Variants in ADAMTS17 observed in about 807,000 individuals in gnomAD.
ADAMTS17 encodes A disintegrin and metalloproteinase with thrombospondin motifs 17.
ADAMTS17 carries 113 observed loss-of-function variants against 141.5 expected under a neutral mutation model. The observed-to-expected ratio is 0.80, with a 90% CI of 0.69 to 0.93. ADAMTS17 has a LOEUF of 0.93. Ranked by LOEUF, ADAMTS17 falls within the 40% of genes least tolerant of loss-of-function variation. The probability of loss-of-function intolerance (pLI) is 0.00; values close to 1 mark genes in which losing one functional copy is unlikely to be tolerated. For missense variants in ADAMTS17, 1,659 were observed against 1,517.9 expected, an observed-to-expected ratio of 1.09 and a Z score of -1.54; for synonymous variants, 768 against 630.6, an observed-to-expected ratio of 1.22 and a Z score of -3.27.
chr15:100,279,062 G>A lies in ADAMTS17; in HGVS notation c.789+2167C>T, dbSNP rs895341746. On this transcript the variant is annotated intron_variant, in intron 4 of 21. Coordinates refer to ENST00000268070, the MANE Select transcript of ADAMTS17 (RefSeq NM_139057.4). ...CAACTACCAGAGCCGAGATCCCAGTGGGAACGGTGCATTGGGGGTTCATCC... is the reference window on the plus strand; with the variant it reads ...CAACTACCAGAGCCGAGATCCCAGTAGGAACGGTGCATTGGGGGTTCATCC... Among the ~76,000 whole-genome samples, 8 of 152,220 alleles carry A rather than the reference G, an allele frequency of 5.3e-5. No individual in the cohort carries two copies. In the South Asian group the frequency reaches 1.0e-3, roughly 20 times the overall value.
At chr15:100,192,332 T>C (rs2040950412) in intron 8 of ADAMTS17, among the ~76,000 whole-genome samples, 1 of 152,218 alleles carries the variant, frequency 6.6e-6, no homozygotes, top group Admixed American at 6.5e-5. Context: ...GGCAGGAACC[T>C]GCTGGGAAAC....
intron 7 of ADAMTS17, among the ~76,000 whole-genome samples, chr15:100,244,741 G>A (rs115896709): frequency 2.8e-3 from 429 of 152,072 alleles, no homozygotes; most frequent in Non-Finnish European, 3.9e-3. Flanking sequence ...TGTTCCAACC[G>A]GAGCAGGACC....
At chr15:100,156,098 T>G (rs542370430) in intron 8 of ADAMTS17, among the ~76,000 whole-genome samples, 21 of 152,286 alleles carry the variant, frequency 1.4e-4, no homozygotes, top group African/African-American at 4.1e-4. Context: ...TTTCATTCAT[T>G]CAAAAATATT....
chr15:99,974,582 A>G lies in ADAMTS17; in HGVS notation c.3128-20T>C. ...GAGCAGCTAAGGGGATAGGAGAGAG[A>G]ATACCCAGGGTCAGGGATGGCCTAG... On this transcript the variant is annotated intron_variant, in intron 21 of 21. Transcript: ENST00000268070. 2 of 1,614,096 alleles carry G rather than the reference A, an allele frequency of 1.2e-6. No homozygotes were observed. Among genetic ancestry groups the G allele is most frequent in the South Asian group, 2.2e-5 (2 of 91,076 alleles).
At chr15:100,081,297 A>G (rs2141817944) in intron 15 of ADAMTS17, among the ~76,000 whole-genome samples, 1 of 152,290 alleles carries the variant, frequency 6.6e-6, no homozygotes. Context: ...CAGCTTGCGG[A>G]CAGCCTATTG....
chr15:100,246,567 C>T (rs2141924892), intron 7 of ADAMTS17, among the ~76,000 whole-genome samples: 1 of 152,310 alleles, frequency 6.6e-6, no homozygotes, highest in South Asian at 2.1e-4. Flanking sequence ...TTGTAACCTT[C>T]TCAGAGTAGA....
chr15:100,213,437 T>C (rs1567365455), intron 7 of ADAMTS17, among the ~76,000 whole-genome samples: 1 of 152,108 alleles, frequency 6.6e-6, no homozygotes, highest in Non-Finnish European at 1.5e-5. Flanking sequence ...TCTGTCAGGG[T>C]CTAAGACCAA....
chr15:100,159,235 G>A (rs1337414188), intron 8 of ADAMTS17, among the ~76,000 whole-genome samples: 5 of 152,168 alleles, frequency 3.3e-5, no homozygotes, highest in African/African-American at 1.2e-4. Context: ...GCCACTGATA[G>A]ATGGATCAAT....
Position 100,155,268 on chromosome 15 carries a change from T to C in ADAMTS17, c.1234A>G (p.Ile412Val), listed in dbSNP as rs1312625228. ...DHSSCAGRSH[I>V]MSGEWVKGRN... Reference sequence around the variant, plus strand: ...CCTTTCACCCACTCTCCTGACATGATGTGGGACCTGCCAGCGCAAGATGAG... The same window carrying C: ...CCTTTCACCCACTCTCCTGACATGACGTGGGACCTGCCAGCGCAAGATGAG... Residue 412 changes from isoleucine to valine, a missense_variant, in exon 9 of 22, where the codon ATC becomes GTC. By Grantham distance (29) the Ile-to-Val change is conservative (BLOSUM62 3). Transcript: ENST00000268070. 3 of 1,614,202 alleles carry C rather than the reference T, an allele frequency of 1.9e-6. No homozygotes were observed. The highest frequency in any genetic ancestry group is 2.2e-5 in the East Asian group (1 of 44,892).
At chr15:100,155,124 G>A in intron 9 of ADAMTS17, 56 bp downstream of exon 9, 4 of 1,612,420 alleles carry the variant, frequency 2.5e-6, no homozygotes, top group South Asian at 2.2e-5. Context: ...CAATACTTTT[G>A]TCTTTTGGAA....
intron 15 of ADAMTS17, among the ~76,000 whole-genome samples, chr15:100,054,509 A>G (rs2032404091): frequency 6.6e-6 from 1 of 152,114 alleles, no homozygotes; most frequent in Non-Finnish European, 1.5e-5. Context: ...TCCCTTTCCT[A>G]TTACCTACCT....
At chr15:100,075,216 T>C (rs73474485) in intron 15 of ADAMTS17, among the ~76,000 whole-genome samples, 5,924 of 152,268 alleles carry the variant, frequency 0.039, 409 homozygotes, top group African/African-American at 0.14. Context: ...TGTATTAGTT[T>C]GTCATATTTA....
intron 7 of ADAMTS17, among the ~76,000 whole-genome samples, chr15:100,232,225 G>A (rs1182502903): frequency 6.6e-6 from 1 of 152,172 alleles, no homozygotes; most frequent in East Asian, 1.9e-4. Flanking sequence ...CCAGAACTAG[G>A]CTAACCCTGG....
intron 18 of ADAMTS17, among the ~76,000 whole-genome samples, chr15:100,001,534 C>T (rs191738075): frequency 3.6e-4 from 55 of 152,190 alleles, no homozygotes; most frequent in African/African-American, 1.3e-3. Flanking sequence ...ACGATGATGT[C>T]GTGATGTGTC....
At chr15:100,301,287 T>C (rs892338318) in intron 3 of ADAMTS17, among the ~76,000 whole-genome samples, 1 of 151,942 alleles carries the variant, frequency 6.6e-6, no homozygotes, top group Non-Finnish European at 1.5e-5. Flanking sequence ...CTGTCATGTT[T>C]TTAGTTCCTT....
At chr15:100,075,521 G>A (rs1424047362) in intron 15 of ADAMTS17, among the ~76,000 whole-genome samples, 1 of 152,180 alleles carries the variant, frequency 6.6e-6, no homozygotes, top group African/African-American at 2.4e-5. Flanking sequence ...AAATGTGACC[G>A]TGGAGAAGTC....
intron 15 of ADAMTS17, among the ~76,000 whole-genome samples, chr15:100,065,532 C>T (rs115630951): frequency 0.014 from 2,084 of 152,076 alleles, 48 homozygotes; most frequent in African/African-American, 0.046. Flanking sequence ...CCTTTAGTTT[C>T]TTCTTTCACT....
chr15:100,339,429 A>G (rs2046298766), intron 2 of ADAMTS17, among the ~76,000 whole-genome samples: 1 of 152,198 alleles, frequency 6.6e-6, no homozygotes, highest in African/African-American at 2.4e-5. Context: ...TGTGACTTAG[A>G]CTTTAAACAC....
chr15:99,995,453 G>C (rs1309811491), intron 19 of ADAMTS17, among the ~76,000 whole-genome samples: 1 of 152,236 alleles, frequency 6.6e-6, no homozygotes, highest in Non-Finnish European at 1.5e-5. Flanking sequence ...GGCTGCTGAG[G>C]ACGGCTCCAG....
Sources: allele counts gnomAD v4.1 joint callset (sites outside exome capture counted in the v4.1 genomes callset), GRCh38; gene constraint gnomAD v4.1.1; transcripts MANE v1.5; gene names NCBI Gene and HGNC (gene_info 2026-07-23, HGNC 2026-07-21).